The following ITGBL1 variants were observed in gnomAD, a reference collection of about 807,000 sequenced individuals.
ITGBL1 encodes integrin subunit beta like 1.
A neutral mutation model predicts 68.5 loss-of-function variants in ITGBL1; 51 were observed. That is an observed-to-expected ratio of 0.74 (90% CI 0.59 to 0.94). The LOEUF is 0.94. Among genes scored for constraint, ITGBL1 ranks in the 40% least tolerant of loss-of-function variants. ITGBL1 has a pLI of 0.00. For synonymous variants in ITGBL1, 209 were observed against 227.3 expected (o/e 0.92, Z 0.72); for missense variants, 649 against 647.4 (o/e 1.00, Z -0.03).
intron 8 of ITGBL1, among the ~76,000 whole-genome samples, chr13:101,693,161 A>G (rs2033921143): frequency 6.6e-6 from 1 of 152,132 alleles, no homozygotes. Context: ...GGCATTAATA[A>G]ACTGTCCAGA....
At chr13:101,489,134 T>C (rs2048740515) in intron 2 of ITGBL1, among the ~76,000 whole-genome samples, 1 of 152,244 alleles carries the variant, frequency 6.6e-6, no homozygotes, top group Admixed American at 6.5e-5. Flanking sequence ...ATTACTACTC[T>C]GTTTTAAAAT....
At position 101,660,479 on chromosome 13, in the gene ITGBL1, A is replaced by G. The variant is rs2033054552; in HGVS notation, c.1016-32106A>G. Among the ~76,000 whole-genome samples, 2 of 152,220 alleles carry G rather than the reference A, an allele frequency of 1.3e-5. 1 individual carries two copies. Among genetic ancestry groups the G allele is most frequent in the East Asian group, 3.9e-4 (2 of 5,192 alleles). On this transcript the variant is annotated intron_variant, in intron 7 of 10. Coordinates refer to ENST00000376180, the MANE Select transcript of ITGBL1 (RefSeq NM_004791.3). Reference sequence around the variant, plus strand: ...TCTCAGGTTCTACAATAGCAATGATATCTGCAGGAGAAATTGGAGAAGTTG... The same window carrying G: ...TCTCAGGTTCTACAATAGCAATGATGTCTGCAGGAGAAATTGGAGAAGTTG...
Position 101,674,762 on chromosome 13 carries a change from G to A in ITGBL1, c.1016-17823G>A, listed in dbSNP as rs78931652. On this transcript the variant is annotated intron_variant, in intron 7 of 10. Transcript: ENST00000376180. Reference sequence around the variant, plus strand: ...AACCTCCTTTTCCTAATGTCTTTATGTTATTTCTGTATCCATGCTATTCTA... The same window carrying A: ...AACCTCCTTTTCCTAATGTCTTTATATTATTTCTGTATCCATGCTATTCTA... Among the ~76,000 whole-genome samples the A allele has an allele frequency of 4.0e-3, 608 of 151,824 alleles. 3 individuals carry two copies. The highest frequency in any genetic ancestry group is 0.016 in the South Asian group (77 of 4,814).
chr13:101,657,915 C>T (rs993541725), intron 7 of ITGBL1, among the ~76,000 whole-genome samples: 1 of 152,144 alleles, frequency 6.6e-6, no homozygotes, highest in Admixed American at 6.5e-5. Flanking sequence ...TTGGGTAGCA[C>T]ACAAGAGAAA....
chr13:101,585,681 C>T (rs575846815), intron 6 of ITGBL1, among the ~76,000 whole-genome samples: 146 of 152,238 alleles, frequency 9.6e-4, no homozygotes, highest in African/African-American at 2.9e-3. Context: ...CCGCCAGCCT[C>T]GGCCTCCCAA....
At chr13:101,651,596 A>G (rs898048345) in intron 7 of ITGBL1, among the ~76,000 whole-genome samples, 3 of 152,170 alleles carry the variant, frequency 2.0e-5, no homozygotes, top group African/African-American at 7.2e-5. Flanking sequence ...ATAGAAGGCA[A>G]AAATTTTTTC....
chr13:101,624,511 GTTGCTCATGAA>G (rs1269987571), intron 7 of ITGBL1, among the ~76,000 whole-genome samples: 1 of 152,144 alleles, frequency 6.6e-6, no homozygotes, highest in African/African-American at 2.4e-5. Context: ...TTGACCTGGG[GTTGCTCATGAA>G]TTGAGACCAA....
intron 7 of ITGBL1, among the ~76,000 whole-genome samples, chr13:101,652,522 C>A (rs1208127992): frequency 1.3e-5 from 2 of 152,170 alleles, no homozygotes; most frequent in Non-Finnish European, 2.9e-5. Context: ...TGCTTCAGGG[C>A]AGGCCTATTT....
chr13:101,517,811 T>G (rs1239190591), intron 2 of ITGBL1, among the ~76,000 whole-genome samples: 1 of 152,190 alleles, frequency 6.6e-6, no homozygotes, highest in African/African-American at 2.4e-5. Context: ...GAGTGCTACA[T>G]TATTTGGGGG....
intron 2 of ITGBL1, among the ~76,000 whole-genome samples, chr13:101,549,833 T>C (rs1424344316): frequency 6.6e-6 from 1 of 152,122 alleles, no homozygotes; most frequent in African/African-American, 2.4e-5. Context: ...ATAAATTTAA[T>C]ATAACTTTGA....
intron 2 of ITGBL1, among the ~76,000 whole-genome samples, chr13:101,475,251 T>TA (rs547216868): frequency 2.9e-4 from 44 of 152,064 alleles, no homozygotes; most frequent in African/African-American, 1.0e-3. Flanking sequence ...TTGAAATAAT[T>TA]AAAAAAAGCA....
At position 101,567,819 on chromosome 13, in the gene ITGBL1, C is replaced by T. The variant is rs1424536956; in HGVS notation, c.437C>T (p.Ser146Leu). 6.2e-7 allele frequency: 1 copy of T among 1,613,136 alleles called. No homozygotes were observed. Among genetic ancestry groups the T allele is most frequent in the Non-Finnish European group, 8.5e-7 (1 of 1,179,394 alleles). Residue 146 changes from serine (S) to leucine (L), a missense_variant, in exon 3 of 11, where the codon TCA (serine) becomes TTA (leucine). Coordinates refer to ENST00000376180, the MANE Select transcript of ITGBL1 (RefSeq NM_004791.3). ...AAAAGTAACCAAATGTGCAAGAATT[C>T]ACAAGACATCATCTGCTCTAATGCA... ...KKKSNQMCKN[S>L]QDIICSNAGT...
chr13:101,474,998 A>G lies in ITGBL1; in HGVS notation c.316+20898A>G, dbSNP rs1242857516. ...CAAATAAGCCTGGACAGTGAAGACA[A>G]CAATAAATACCTAACTCTTTAATGC... On this transcript the variant is annotated intron_variant, in intron 2 of 10. Coordinates refer to ENST00000376180, the MANE Select transcript of ITGBL1 (RefSeq NM_004791.3). 2.0e-5 allele frequency among the ~76,000 whole-genome samples: 3 copies of G among 152,200 alleles called. No individual in the cohort carries two copies. In the East Asian group the frequency reaches 5.8e-4, roughly 29 times the overall value.
intron 2 of ITGBL1, among the ~76,000 whole-genome samples, chr13:101,553,970 C>T (rs1029887741): frequency 6.6e-5 from 10 of 152,094 alleles, no homozygotes; most frequent in African/African-American, 2.2e-4. Context: ...GACGGGTTTT[C>T]TCCATGTTGG....
chr13:101,687,684 G>T (rs867246826), intron 7 of ITGBL1, among the ~76,000 whole-genome samples: 1 of 151,988 alleles, frequency 6.6e-6, no homozygotes, highest in South Asian at 2.1e-4. Context: ...TTTTATATGT[G>T]CCTAAAGATT....
chr13:101,661,239 G>A (rs2033081402), intron 7 of ITGBL1, among the ~76,000 whole-genome samples: 1 of 152,052 alleles, frequency 6.6e-6, no homozygotes, highest in East Asian at 1.9e-4. Flanking sequence ...GCTTCCTTGT[G>A]TGTGTATTTT....
intron 7 of ITGBL1, among the ~76,000 whole-genome samples, chr13:101,647,026 CTTGT>C (rs1183590394): frequency 6.6e-6 from 1 of 151,998 alleles, no homozygotes; most frequent in African/African-American, 2.4e-5. Flanking sequence ...ATGTATTACT[CTTGT>C]TTTCATCTCT....
rs540999384 is a variant in ITGBL1 at position 101,580,656 on chromosome 13, A to G, written c.727+1229A>G. On this transcript the variant is annotated intron_variant, in intron 5 of 10. Transcript: ENST00000376180. ...TTCCTGTGTCCAATGTGTTTTCTGC[A>G]TAAGTCCTTTTATGCAGTAGGGGTC... is the stretch of plus-strand genomic sequence containing the variant. Among the ~76,000 whole-genome samples, 340 of 152,276 alleles carry G rather than the reference A, an allele frequency of 2.2e-3. 1 individual carries two copies. Among genetic ancestry groups the G allele is most frequent in the African/African-American group, 7.6e-3 (317 of 41,560 alleles).
chr13:101,625,036 A>G (rs1293191525), intron 7 of ITGBL1, among the ~76,000 whole-genome samples: 4 of 152,210 alleles, frequency 2.6e-5, no homozygotes, highest in Non-Finnish European at 5.9e-5. Flanking sequence ...CCCTGCCGGT[A>G]GATAAATGCA....
Sources: gnomAD v4.1 joint callset for allele counts (sites outside exome capture counted in the v4.1 genomes callset) on GRCh38, gnomAD v4.1.1 for gene constraint, MANE v1.5 for transcripts, NCBI Gene and HGNC (gene_info 2026-07-23, HGNC 2026-07-21) for gene names.